Variants in DGKB observed in about 807,000 individuals in gnomAD.
DGKB encodes diacylglycerol kinase beta, also known as 90 kDa diacylglycerol kinase.
In DGKB, 67 loss-of-function variants were observed where a neutral mutation model predicts 114.3. The observed-to-expected ratio is 0.59, with a 90% CI of 0.48 to 0.72. The LOEUF (loss-of-function observed/expected upper bound fraction) is 0.72. Ranked by LOEUF, DGKB falls within the 30% of genes least tolerant of loss-of-function variation. The pLI is 0.00. For synonymous variants in DGKB, 398 were observed against 323.1 expected (o/e 1.23, Z -2.49); for missense variants, 907 against 975.2 (o/e 0.93, Z 0.93).
Position 14,613,399 on chromosome 7 carries a change from A to T in DGKB, c.1299T>A (p.Pro433=). The stretch of plus-strand genomic sequence containing the variant: ...CAAAAACTAAAAGTGGGTGAGTACC[A>T]GGCACAGGAGTGACCTATAAGAAAA... ...DGQGLQVTPV[P]GTHPLLVFVN... is the part of the protein sequence containing the mutation. The change falls in exon 16 of 26, where the codon CCT becomes CCA. Residue 433 remains proline (P), a synonymous_variant. Transcript: ENST00000402815. The T allele has an allele frequency of 6.4e-7, 1 of 1,562,770 alleles. No individual in the cohort carries two copies. Among genetic ancestry groups the T allele is most frequent in the Non-Finnish European group, 8.7e-7 (1 of 1,150,498 alleles).
intron 1 of DGKB, among the ~76,000 whole-genome samples, chr7:14,880,277 G>A (rs1854021431): frequency 6.6e-6 from 1 of 152,108 alleles, no homozygotes. Flanking sequence ...GGACAACATG[G>A]TGAAACCCTG....
chr7:14,239,972 T>A (rs530676856), intron 23 of DGKB, among the ~76,000 whole-genome samples: 3 of 152,130 alleles, frequency 2.0e-5, no homozygotes, highest in Non-Finnish European at 4.4e-5. Flanking sequence ...ATTTTTGACA[T>A]GAAGAAAAAA....
intron 23 of DGKB, among the ~76,000 whole-genome samples, chr7:14,271,904 A>G (rs1331090477): frequency 2.0e-5 from 3 of 152,320 alleles, no homozygotes; most frequent in East Asian, 3.9e-4. Flanking sequence ...ACATTTTGCT[A>G]ATGAGGATAA....
At position 14,418,466 on chromosome 7, in the gene DGKB, T is replaced by C. The variant is rs952297049; in HGVS notation, c.1835+59695A>G. Reference sequence around the variant, plus strand: ...AGTGTAAAATAGCAATTCCTTCTAATTATAATAATACAGCATACAATACAA... The same window carrying C: ...AGTGTAAAATAGCAATTCCTTCTAACTATAATAATACAGCATACAATACAA... On this transcript the variant is annotated intron_variant, in intron 21 of 25. Coordinates refer to ENST00000402815, the MANE Select transcript of DGKB (RefSeq NM_001350709.2). Among the ~76,000 whole-genome samples, 6 of 150,334 alleles carry C rather than the reference T, an allele frequency of 4.0e-5. No homozygotes were observed. The Admixed American group carries it at 4.0e-4, about 10-fold the overall frequency.
intron 23 of DGKB, among the ~76,000 whole-genome samples, chr7:14,275,492 G>T (rs1268777458): frequency 6.6e-6 from 1 of 151,904 alleles, no homozygotes; most frequent in Non-Finnish European, 1.5e-5. Context: ...AGCTTTTCAT[G>T]CAGACAGAGG....
intron 2 of DGKB, among the ~76,000 whole-genome samples, chr7:14,805,582 A>C (rs944217775): frequency 6.6e-6 from 1 of 152,054 alleles, no homozygotes; most frequent in African/African-American, 2.4e-5. Context: ...AGCAAAGTCC[A>C]ACATGTGTGC....
At chr7:14,789,048 C>T (rs1313050797) in intron 2 of DGKB, among the ~76,000 whole-genome samples, 1 of 151,420 alleles carries the variant, frequency 6.6e-6, no homozygotes, top group Non-Finnish European at 1.5e-5. Context: ...ACCTTAAGCA[C>T]AAAAAAGCTG....
At chr7:14,489,821 A>G (rs1208033230) in intron 20 of DGKB, among the ~76,000 whole-genome samples, 1 of 152,126 alleles carries the variant, frequency 6.6e-6, no homozygotes, top group Non-Finnish European at 1.5e-5. Flanking sequence ...AAGAAAAATC[A>G]TGTTTACTAT....
At chr7:14,477,322 T>C (rs1782329911) in intron 21 of DGKB, among the ~76,000 whole-genome samples, 1 of 152,212 alleles carries the variant, frequency 6.6e-6, no homozygotes, top group Non-Finnish European at 1.5e-5. Context: ...TATGGCAAGA[T>C]GTCAGCCAAA....
chr7:14,878,385 T>A (rs1853638558), intron 1 of DGKB, among the ~76,000 whole-genome samples: 1 of 152,216 alleles, frequency 6.6e-6, no homozygotes, highest in Non-Finnish European at 1.5e-5. Context: ...ACTATACATT[T>A]CACTCCATAA....
At chr7:14,153,115 C>A (rs1486539529) in intron 25 of DGKB, among the ~76,000 whole-genome samples, 3 of 152,094 alleles carry the variant, frequency 2.0e-5, no homozygotes, top group Non-Finnish European at 4.4e-5. Context: ...TTGTTCAGCC[C>A]AACTAAAATC....
chr7:14,240,770 C>G (rs1029407509), intron 23 of DGKB, among the ~76,000 whole-genome samples: 8 of 152,170 alleles, frequency 5.3e-5, no homozygotes, highest in African/African-American at 1.9e-4. Flanking sequence ...GTTGAGTAAT[C>G]AACTCTTAAT....
In DGKB at chr7:14,208,885, G is replaced by GT. The variant is rs10566891; in HGVS notation, c.2123-30735dup. On this transcript the variant is annotated intron_variant, in intron 23 of 25. Coordinates refer to ENST00000402815, the MANE Select transcript of DGKB (RefSeq NM_001350709.2). ...ATTCATAGCCTCCTGGAAATAGCTA[G>GT]TTTTTTTTTTTTTCATTTATCCTTT... Among the ~76,000 whole-genome samples, 423 of 145,906 alleles carry GT rather than the reference G, an allele frequency of 2.9e-3. 1 individual carries two copies. Among genetic ancestry groups the GT allele is most frequent in the African/African-American group, 5.0e-3 (203 of 40,620 alleles).
At chr7:14,265,850 C>T (rs1229213546) in intron 23 of DGKB, among the ~76,000 whole-genome samples, 2 of 152,114 alleles carry the variant, frequency 1.3e-5, no homozygotes, top group African/African-American at 4.8e-5. Flanking sequence ...AAATACCATG[C>T]TTATTCTGGC....
intron 6 of DGKB, among the ~76,000 whole-genome samples, chr7:14,710,631 C>G (rs1827204999): frequency 6.6e-6 from 1 of 152,018 alleles, no homozygotes; most frequent in South Asian, 2.1e-4. Flanking sequence ...ATGGGTGTTT[C>G]TTATATATAC....
rs1584752977 is a variant in DGKB, at chr7:14,254,839, C to T, written c.2123-76688G>A. On this transcript the variant is annotated intron_variant, in intron 23 of 25. Transcript: ENST00000402815. ...CCCATCTGAGATTTTTCCTCTTTAC[C>T]CCATCTTCAGCCCTTCCATAATACC... Among the ~76,000 whole-genome samples the T allele has an allele frequency of 2.0e-5, 3 of 151,950 alleles. No homozygotes were observed. In the South Asian group the frequency reaches 6.2e-4, roughly 32 times the overall value.
At chr7:14,304,087 A>ACACACACACACACT (rs140836395) in intron 23 of DGKB, among the ~76,000 whole-genome samples, 24 of 110,120 alleles carry the variant, frequency 2.2e-4, no homozygotes, top group African/African-American at 5.8e-4. Flanking sequence ...ACACACACAC[A>ACACACACACACACT]CTCTCTCTCT....
At chr7:14,170,157 G>GAAAAGAAAGAAAGA (rs1194161505) in intron 25 of DGKB, among the ~76,000 whole-genome samples, 1 of 87,288 alleles carries the variant, frequency 1.1e-5, no homozygotes, top group Non-Finnish European at 2.1e-5. Context: ...AAGAAAGAAA[G>GAAAAGAAAGAAAGA]AAAGAAAGAA....
At chr7:14,368,841 C>T (rs1013912551) in intron 21 of DGKB, among the ~76,000 whole-genome samples, 1 of 151,982 alleles carries the variant, frequency 6.6e-6, no homozygotes, top group African/African-American at 2.4e-5. Context: ...CAGGAAGAGC[C>T]CGGGAGAGCC....
Sources: allele counts gnomAD v4.1 joint callset (sites outside exome capture counted in the v4.1 genomes callset), GRCh38; gene constraint gnomAD v4.1.1; transcripts MANE v1.5; gene names NCBI Gene and HGNC (gene_info 2026-07-23, HGNC 2026-07-21).